The following TRPM3 variants were observed in gnomAD, a reference collection of about 807,000 sequenced individuals.
TRPM3 encodes long transient receptor potential channel 3.
Under a neutral mutation model 181.2 loss-of-function variants are expected in TRPM3, and 77 were observed. That is an observed-to-expected ratio of 0.42 (90% confidence interval 0.35 to 0.51). The LOEUF (loss-of-function observed/expected upper bound fraction) is 0.51. Among genes scored for constraint, TRPM3 ranks in the 20% least tolerant of loss-of-function variants. The pLI, the probability that TRPM3 is intolerant of heterozygous loss-of-function variation, is 0.01. For synonymous variants in TRPM3, 745 were observed against 796.4 expected (o/e 0.94, Z 1.09); for missense variants, 1,759 against 2,196.7 (o/e 0.80, Z 3.98).
chr9:70,912,034 G>T (rs1282963391), intron 1 of TRPM3, among the ~76,000 whole-genome samples: 1 of 152,150 alleles, frequency 6.6e-6, no homozygotes, highest in Non-Finnish European at 1.5e-5. Flanking sequence ...GGCAACAGAA[G>T]GATGTCTAAA....
intron 1 of TRPM3, among the ~76,000 whole-genome samples, chr9:71,316,655 A>G (rs1339254406): frequency 6.6e-6 from 1 of 152,146 alleles, no homozygotes; most frequent in African/African-American, 2.4e-5. Context: ...AAGCTGAAAA[A>G]GGTAGAGAAA....
At chr9:70,980,050 T>C (rs1412312068) in intron 1 of TRPM3, among the ~76,000 whole-genome samples, 1 of 92,254 alleles carries the variant, frequency 1.1e-5, no homozygotes, top group Non-Finnish European at 2.1e-5. Context: ...ACAGCATGTG[T>C]GGCCATGCAT....
chr9:70,989,852 G>A (rs953825572), intron 1 of TRPM3, among the ~76,000 whole-genome samples: 3 of 152,124 alleles, frequency 2.0e-5, no homozygotes, highest in African/African-American at 7.2e-5. Context: ...CTACTCATGG[G>A]AATCTCTATT....
chr9:70,809,866 T>A, intron 6 of TRPM3: 1 of 482,584 alleles, frequency 2.1e-6, no homozygotes, highest in South Asian at 1.6e-5. Flanking sequence ...ACCTTTAACA[T>A]ACAGTGTTTT....
At chr9:70,655,532 G>A (rs2060222371) in intron 9 of TRPM3, among the ~76,000 whole-genome samples, 2 of 152,166 alleles carry the variant, frequency 1.3e-5, no homozygotes, top group African/African-American at 4.8e-5. Flanking sequence ...TTGCAAGCCA[G>A]TGAATTTGTA....
rs931374603 is a variant in TRPM3, at chr9:70,867,500, G to A, written c.178-2989C>T. On this transcript the variant is annotated intron_variant, in intron 1 of 25. Coordinates refer to ENST00000677713, the MANE Select transcript of TRPM3 (RefSeq NM_001366145.2). ...TTAATTACCTTCTCAAAGGTGAAAC[G>A]CTACATCATTGTTAGCAAAAAGACT... 3.9e-5 allele frequency among the ~76,000 whole-genome samples: 6 copies of A among 152,132 alleles called. No homozygotes were observed. In the South Asian group the frequency reaches 8.3e-4, roughly 21 times the overall value.
chr9:71,108,688 GA>G (rs2070327650), intron 1 of TRPM3, among the ~76,000 whole-genome samples: 1 of 152,200 alleles, frequency 6.6e-6, no homozygotes, highest in Admixed American at 6.6e-5. Context: ...TGGGCCAAGA[GA>G]GGCAGAAATG....
At chr9:71,215,004 A>C (rs2079754432) in intron 1 of TRPM3, among the ~76,000 whole-genome samples, 1 of 145,020 alleles carries the variant, frequency 6.9e-6, no homozygotes, top group South Asian at 2.3e-4. Flanking sequence ...TTCACTGAGG[A>C]TATCTGTTCA....
chr9:70,988,632 G>C (rs7045841), intron 1 of TRPM3, among the ~76,000 whole-genome samples: 8,201 of 152,236 alleles, frequency 0.054, 313 homozygotes, highest in East Asian at 0.1. Context: ...TTTTGCTCAT[G>C]TAATTAAATT....
At chr9:71,446,604 C>A (rs757083324) in intron 1 of TRPM3, 175 of 1,527,542 alleles carry the variant, frequency 1.1e-4, no homozygotes, top group Non-Finnish European at 1.4e-4. Flanking sequence ...AAGTCGCGTG[C>A]GAAGGGAGAA....
intron 1 of TRPM3, among the ~76,000 whole-genome samples, chr9:70,948,194 T>C (rs141045012): frequency 9.3e-4 from 142 of 151,984 alleles, no homozygotes; most frequent in Middle Eastern, 3.4e-3. Context: ...CTAAATAATA[T>C]ATCATCTTGG....
At chr9:70,605,940 TTAAG>T (rs1423709985) in intron 19 of TRPM3, among the ~76,000 whole-genome samples, 1 of 152,198 alleles carries the variant, frequency 6.6e-6, no homozygotes, top group Admixed American at 6.5e-5. Flanking sequence ...ATTTTAATAC[TTAAG>T]TAACTCCTTA....
chr9:71,038,998 A>G (rs1425400861), intron 1 of TRPM3, among the ~76,000 whole-genome samples: 1 of 152,180 alleles, frequency 6.6e-6, no homozygotes, highest in Non-Finnish European at 1.5e-5. Flanking sequence ...TCAGGAAGAA[A>G]CATTCTAAAG....
At chr9:71,135,697 A>G (rs1424468302) in intron 1 of TRPM3, among the ~76,000 whole-genome samples, 1 of 152,184 alleles carries the variant, frequency 6.6e-6, no homozygotes, top group East Asian at 1.9e-4. Flanking sequence ...GATTATGGAT[A>G]TAAGTAGAGA....
intron 1 of TRPM3, among the ~76,000 whole-genome samples, chr9:71,282,674 C>T (rs544783885): frequency 1.3e-5 from 2 of 152,236 alleles, no homozygotes; most frequent in Admixed American, 1.3e-4. Context: ...TAAGACTCAC[C>T]AGCATGAGAA....
chr9:71,134,020 TGCGCGC>T (rs1170476756), intron 1 of TRPM3, among the ~76,000 whole-genome samples: 90 of 109,606 alleles, frequency 8.2e-4, no homozygotes, highest in East Asian at 5.5e-4. Flanking sequence ...TGTGTGCGCG[TGCGCGC>T]GCGCGCGTGT....
chr9:71,006,154 C>T (rs2134295337), intron 1 of TRPM3, among the ~76,000 whole-genome samples: 1 of 152,056 alleles, frequency 6.6e-6, no homozygotes, highest in South Asian at 2.1e-4. Flanking sequence ...TATAGTTAGC[C>T]CCGCGTGTTG....
At chr9:71,260,513 A>G (rs1364082319) in intron 1 of TRPM3, among the ~76,000 whole-genome samples, 1 of 152,152 alleles carries the variant, frequency 6.6e-6, no homozygotes, top group African/African-American at 2.4e-5. Flanking sequence ...CCTATCCATG[A>G]GCATGAAATG....
intron 1 of TRPM3, among the ~76,000 whole-genome samples, chr9:70,912,737 C>G (rs936166177): frequency 1.4e-4 from 21 of 152,088 alleles, no homozygotes; most frequent in African/African-American, 5.1e-4. Context: ...GAGAAGCAAA[C>G]TAAAATATAT....
Sources: gnomAD v4.1 joint callset for allele counts (sites outside exome capture counted in the v4.1 genomes callset) on GRCh38, gnomAD v4.1.1 for gene constraint, MANE v1.5 for transcripts, NCBI Gene and HGNC (gene_info 2026-07-23, HGNC 2026-07-21) for gene names.